Variants in ZNF608 observed in about 807,000 individuals in gnomAD.
ZNF608 encodes the protein zinc finger protein 608, also known as renal carcinoma antigen NY-REN-36.
ZNF608 carries 12 observed loss-of-function variants against 109.0 expected under a neutral mutation model. The observed-to-expected ratio is 0.11, with a 90% CI of 0.07 to 0.18. The LOEUF (loss-of-function observed/expected upper bound fraction) is 0.18. Among genes scored for constraint, ZNF608 ranks in the 10% least tolerant of loss-of-function variants. The probability of loss-of-function intolerance (pLI) is 1.00; values close to 1 mark genes in which losing one functional copy is unlikely to be tolerated. For missense variants in ZNF608, 1,707 were observed against 1,879.3 expected, an observed-to-expected ratio of 0.91 and a Z score of 1.70; for synonymous variants, 732 against 717.4, an observed-to-expected ratio of 1.02 and a Z score of -0.33.
At chr5:124,696,310 C>T (rs1752848058) in intron 3 of ZNF608, among the ~76,000 whole-genome samples, 1 of 152,154 alleles carries the variant, frequency 6.6e-6, no homozygotes, top group South Asian at 2.1e-4. Flanking sequence ...GAAGAAGGTC[C>T]TCATACAAAC....
chr5:124,641,495 G>A, intron 7 of ZNF608, 90 bp from the exon 8 acceptor site: 2 of 1,315,704 alleles, frequency 1.5e-6, no homozygotes, highest in Non-Finnish European at 2.0e-6. Context: ...CGACAATATT[G>A]TGTTAATGAT....
chr5:124,639,112 A>G (rs966518710), intron 9 of ZNF608, 21 bp downstream of exon 9: 3 of 1,608,192 alleles, frequency 1.9e-6, no homozygotes, highest in African/African-American at 1.3e-5. Context: ...ACAACTAATT[A>G]AAAATGTAGA....
chr5:124,642,540 G>T (rs1481058097), intron 7 of ZNF608, among the ~76,000 whole-genome samples: 3 of 152,082 alleles, frequency 2.0e-5, no homozygotes, highest in African/African-American at 7.2e-5. Flanking sequence ...AATCTCTCCA[G>T]AAGTCAAGTT....
Position 124,744,027 on chromosome 5 carries a change from C to T in ZNF608, c.906+57G>A. 1 of 1,529,344 alleles carries T rather than the reference C, an allele frequency of 6.5e-7. No individual in the cohort carries two copies. Among genetic ancestry groups the T allele is most frequent in the Non-Finnish European group, 8.8e-7 (1 of 1,139,532 alleles). The allele number at this position is 1,529,344 out of a possible 1,614,324, so 94.7% of individuals were successfully genotyped here. ...GCACACAGAGGCACACCCCCACACACCCACACAAATGCACACAGAGGAGAG... is the reference window on the plus strand; with the variant it reads ...GCACACAGAGGCACACCCCCACACATCCACACAAATGCACACAGAGGAGAG... On this transcript the variant is annotated intron_variant, in intron 2 of 9. Coordinates refer to ENST00000513986, the MANE Select transcript of ZNF608 (RefSeq NM_020747.3). The surrounding 1 kb of genome is among the most constrained non-coding windows in gnomAD (Gnocchi z 4.5).
At chr5:124,671,938 C>A (rs973522799) in intron 3 of ZNF608, among the ~76,000 whole-genome samples, 1 of 152,052 alleles carries the variant, frequency 6.6e-6, no homozygotes, top group Non-Finnish European at 1.5e-5. Context: ...GTGTCCAGCC[C>A]CCTTGGGCTT....
chr5:124,656,129 C>T (rs1402650290), intron 3 of ZNF608, among the ~76,000 whole-genome samples: 3 of 152,026 alleles, frequency 2.0e-5, no homozygotes, highest in Non-Finnish European at 2.9e-5. Flanking sequence ...CACAGTGCTG[C>T]GATTAGTCAC....
chr5:124,695,718 T>C (rs1041051459), intron 3 of ZNF608, among the ~76,000 whole-genome samples: 34 of 151,730 alleles, frequency 2.2e-4, no homozygotes, highest in Admixed American at 2.0e-4. Flanking sequence ...TAGTGAGCCA[T>C]GATCACAACA....
At position 124,647,225 on chromosome 5, in the gene ZNF608, G is replaced by A; in HGVS notation, c.3159C>T (p.Asp1053=). Residue 1053 remains aspartate (D), a synonymous_variant, in exon 5 of 10, where the codon GAC becomes GAT. Transcript: ENST00000513986. ...GAGGCTGTAAGGATGCAGAATTGTGGTCCACTTTCTTAGAATCTAACTGCT... is the reference window on the plus strand; with the variant it reads ...GAGGCTGTAAGGATGCAGAATTGTGATCCACTTTCTTAGAATCTAACTGCT... ...KAEQLDSKKV[D]HNSASLQPQH... is the part of the protein sequence containing the mutation. 1 of 1,614,208 alleles carries A rather than the reference G, an allele frequency of 6.2e-7. No individual in the cohort carries two copies. Among genetic ancestry groups the A allele is most frequent in the Non-Finnish European group, 8.5e-7 (1 of 1,180,040 alleles).
At chr5:124,694,378 T>G (rs56997397) in intron 3 of ZNF608, among the ~76,000 whole-genome samples, 1 of 151,438 alleles carries the variant, frequency 6.6e-6, no homozygotes, top group African/African-American at 2.4e-5. Context: ...ACTAAAAAAA[T>G]TTTTTTTCAT....
chr5:124,682,315 C>T (rs1341295143), intron 3 of ZNF608, among the ~76,000 whole-genome samples: 1 of 152,224 alleles, frequency 6.6e-6, no homozygotes, highest in Non-Finnish European at 1.5e-5. Context: ...TCAGGTGATC[C>T]TTCCGCCTTG....
intron 2 of ZNF608, among the ~76,000 whole-genome samples, chr5:124,725,690 T>C (rs746247714): frequency 1.1e-4 from 16 of 152,168 alleles, no homozygotes; most frequent in Non-Finnish European, 2.2e-4. Context: ...AGTTTTTTCC[T>C]AGAAAAAACT....
At chr5:124,646,574 G>A (rs1424779735) in intron 5 of ZNF608, 105 bp downstream of exon 5, 2 of 1,379,926 alleles carry the variant, frequency 1.4e-6, no homozygotes, top group African/African-American at 2.9e-5. Context: ...AAACTAATAT[G>A]GGTTTCTTTC....
chr5:124,740,223 C>A (rs919817129), intron 2 of ZNF608, among the ~76,000 whole-genome samples: 3 of 152,150 alleles, frequency 2.0e-5, no homozygotes, highest in African/African-American at 7.2e-5. Context: ...ACACAAATAC[C>A]TAAGTTCCAT....
intron 3 of ZNF608, among the ~76,000 whole-genome samples, chr5:124,679,519 G>A (rs191407286): frequency 1.4e-4 from 21 of 151,268 alleles, no homozygotes; most frequent in African/African-American, 4.8e-4. Flanking sequence ...GCTGGGCACC[G>A]GGGCTACATA....
At chr5:124,676,377 A>G (rs1751946387) in intron 3 of ZNF608, among the ~76,000 whole-genome samples, 1 of 152,198 alleles carries the variant, frequency 6.6e-6, no homozygotes, top group African/African-American at 2.4e-5. Context: ...TTCAAGCTGT[A>G]GTTTTAACAA....
At chr5:124,703,414 T>G (rs1482456626) in intron 2 of ZNF608, among the ~76,000 whole-genome samples, 1 of 152,128 alleles carries the variant, frequency 6.6e-6, no homozygotes, top group Admixed American at 6.5e-5. Context: ...TGATATTAAC[T>G]AGCTTATGAC....
At chr5:124,682,462 T>C (rs1752238556) in intron 3 of ZNF608, among the ~76,000 whole-genome samples, 1 of 152,228 alleles carries the variant, frequency 6.6e-6, no homozygotes, top group Admixed American at 6.5e-5. Flanking sequence ...GGAAATAGTG[T>C]ATCCAACATA....
intron 3 of ZNF608, among the ~76,000 whole-genome samples, chr5:124,676,921 G>A (rs1262324718): frequency 9.2e-5 from 14 of 152,258 alleles, no homozygotes; most frequent in African/African-American, 1.4e-4. Flanking sequence ...TCAGGATAGC[G>A]GCTATGTAGG....
At position 124,644,641 on chromosome 5, in the gene ZNF608, C is replaced by A; in HGVS notation, c.3726G>T (p.Trp1242Cys). The change falls in exon 6 of 10, where the codon TGG becomes TGT. Residue 1242 changes from tryptophan to cysteine, a missense_variant. By Grantham distance (215) the Trp-to-Cys change is radical (BLOSUM62 -2). Transcript: ENST00000513986. ...ATTTGGGCTGGTATACATAATGATG[C>A]CATGTTCTTGAATCTGGGTCCTGAT... ...RFKQDPDSRT[W>C]HHYVYQPKYL... is the part of the protein sequence containing the mutation. 1 of 1,550,120 alleles carries A rather than the reference C, an allele frequency of 6.5e-7. No homozygotes were observed. Among genetic ancestry groups the A allele is most frequent in the Non-Finnish European group, 8.7e-7 (1 of 1,147,356 alleles).
Sources: allele counts gnomAD v4.1 joint callset (sites outside exome capture counted in the v4.1 genomes callset), GRCh38; gene constraint gnomAD v4.1.1; non-coding constraint Gnocchi (gnomAD v3.1); transcripts MANE v1.5; gene names NCBI Gene and HGNC (gene_info 2026-07-23, HGNC 2026-07-21).